The following CCDC178 variants were observed in gnomAD, a reference collection of about 807,000 sequenced individuals.
CCDC178 encodes the protein coiled-coil domain-containing protein 178.
A neutral mutation model predicts 117.4 loss-of-function variants in CCDC178; 126 were observed. The ratio of observed to expected loss-of-function variants is 1.07; its 90% CI spans 0.93 to 1.24. The LOEUF (loss-of-function observed/expected upper bound fraction) is 1.24, where lower values mean the gene tolerates loss of function less well. Ranked by LOEUF, CCDC178 falls within the 50% of genes most tolerant of loss-of-function variation. CCDC178 has a pLI of 0.00. For missense variants in CCDC178, 1,030 were observed against 986.9 expected (o/e 1.04, Z -0.59); for synonymous variants, 283 against 313.4 (o/e 0.90, Z 1.02).
intron 21 of CCDC178, among the ~76,000 whole-genome samples, chr18:32,990,079 G>A (rs1568202313): frequency 6.6e-6 from 1 of 152,152 alleles, no homozygotes; most frequent in East Asian, 1.9e-4. Context: ...GAGTTGAGTA[G>A]GATATATACA....
chr18:33,187,086 GGAGAGAGAGAGAGAGAGA>G (rs58400297), intron 20 of CCDC178, among the ~76,000 whole-genome samples: 1 of 140,042 alleles, frequency 7.1e-6, no homozygotes, highest in Non-Finnish European at 1.5e-5. Context: ...CATGGCGGCA[GGAGAGAGAGAGAGAGAGA>G]GAGAGAGAGA....
At chr18:33,106,065 C>T (rs1598888571) in intron 20 of CCDC178, among the ~76,000 whole-genome samples, 1 of 151,784 alleles carries the variant, frequency 6.6e-6, no homozygotes, top group East Asian at 1.9e-4. Flanking sequence ...AAATTTCTTA[C>T]ATATTTCAAT....
intron 21 of CCDC178, among the ~76,000 whole-genome samples, chr18:33,015,583 A>AACAAAC (rs1555627859): frequency 6.6e-6 from 1 of 151,618 alleles, no homozygotes; most frequent in Non-Finnish European, 1.5e-5. Context: ...CAACAACAAC[A>AACAAAC]AACAACAACA....
chr18:33,209,078 A>G lies in CCDC178; in HGVS notation c.2238+2818T>C, dbSNP rs577954790. Among the ~76,000 whole-genome samples, 12 of 152,178 alleles carry G rather than the reference A, an allele frequency of 7.9e-5. No individual in the cohort carries two copies. The East Asian group carries it at 2.3e-3, about 29-fold the overall frequency. On this transcript the variant is annotated intron_variant, in intron 20 of 22. Transcript: ENST00000383096. ...ATATATAACCTACAATTTTGTATAG[A>G]TCTTTCCAAAAGCAAGGACAAACAT...
chr18:32,984,819 CAT>C (rs2055228892), intron 21 of CCDC178, among the ~76,000 whole-genome samples: 1 of 151,904 alleles, frequency 6.6e-6, no homozygotes, highest in Admixed American at 6.6e-5. Flanking sequence ...CACTGTCAAA[CAT>C]AGAGATGAAC....
At chr18:33,362,177 A>C (rs983480715) in intron 6 of CCDC178, among the ~76,000 whole-genome samples, 2 of 38,740 alleles carry the variant, frequency 5.2e-5, no homozygotes, top group African/African-American at 2.2e-4. Context: ...GTATGTCTGT[A>C]TGTATATATA....
chr18:33,331,311 C>A (rs1183424127), intron 10 of CCDC178, among the ~76,000 whole-genome samples: 1 of 151,918 alleles, frequency 6.6e-6, no homozygotes, highest in Non-Finnish European at 1.5e-5. Context: ...GTTGCTTAAA[C>A]AAGGTTGCAG....
At chr18:33,026,974 A>G (rs1392250221) in intron 21 of CCDC178, among the ~76,000 whole-genome samples, 2 of 151,964 alleles carry the variant, frequency 1.3e-5, no homozygotes, top group African/African-American at 4.8e-5. Context: ...AGCTCAAAAG[A>G]AATGGCAAAC....
At chr18:33,200,904 A>G (rs941754084) in intron 20 of CCDC178, among the ~76,000 whole-genome samples, 2 of 152,224 alleles carry the variant, frequency 1.3e-5, no homozygotes, top group Non-Finnish European at 2.9e-5. Context: ...CTGACAACAC[A>G]TGACTTCAAA....
At chr18:33,027,657 T>A (rs976178976) in intron 21 of CCDC178, among the ~76,000 whole-genome samples, 1 of 151,724 alleles carries the variant, frequency 6.6e-6, no homozygotes, top group Non-Finnish European at 1.5e-5. Flanking sequence ...AAAGTACACC[T>A]GGAAGATATA....
Position 33,371,257 on chromosome 18 carries a change from C to T in CCDC178, c.209-1068G>A, listed in dbSNP as rs148783354. ...AGTGTTCAGTCTATTCTACAATGTT[C>T]GACTCTCTCTCATATATGTGTGTGT... is the stretch of plus-strand genomic sequence containing the variant. On this transcript the variant is annotated intron_variant, in intron 5 of 22. Coordinates refer to ENST00000383096, the MANE Select transcript of CCDC178 (RefSeq NM_001105528.4). Among the ~76,000 whole-genome samples the T allele has an allele frequency of 3.1e-3, 467 of 150,262 alleles. 1 individual carries two copies. Among genetic ancestry groups the T allele is most frequent in the South Asian group, 0.014 (68 of 4,752 alleles).
At chr18:33,293,943 A>G (rs2062071236) in intron 11 of CCDC178, among the ~76,000 whole-genome samples, 1 of 152,132 alleles carries the variant, frequency 6.6e-6, no homozygotes, top group South Asian at 2.1e-4. Flanking sequence ...AAGCTGGGTA[A>G]TACAGGGATG....
intron 2 of CCDC178, among the ~76,000 whole-genome samples, chr18:33,430,469 T>C (rs977074524): frequency 2.6e-5 from 4 of 152,200 alleles, no homozygotes; most frequent in African/African-American, 9.7e-5. Flanking sequence ...GACCATGTAA[T>C]TGGAATTCTG....
At chr18:33,102,424 TAA>T (rs36099291) in intron 20 of CCDC178, among the ~76,000 whole-genome samples, 96 of 118,230 alleles carry the variant, frequency 8.1e-4, no homozygotes, top group Middle Eastern at 4.5e-3. Context: ...TGCTTTGAAG[TAA>T]AAAAAAAAAA....
At position 33,407,096 on chromosome 18, in the gene CCDC178, A is replaced by G. The variant is rs1344123406; in HGVS notation, c.58+4935T>C. On this transcript the variant is annotated intron_variant, in intron 3 of 22. Coordinates refer to ENST00000383096, the MANE Select transcript of CCDC178 (RefSeq NM_001105528.4). ...CTGCACATACATGCTTAAACACATAATTCTTTAATCTGGAGCAGAGTACAT... is the reference window on the plus strand; with the variant it reads ...CTGCACATACATGCTTAAACACATAGTTCTTTAATCTGGAGCAGAGTACAT... 3.9e-5 allele frequency among the ~76,000 whole-genome samples: 6 copies of G among 152,134 alleles called. No individual in the cohort carries two copies. In the East Asian group the frequency reaches 1.2e-3, roughly 29 times the overall value.
Position 33,360,381 on chromosome 18 carries a change from C to T in CCDC178, c.349-4035G>A, listed in dbSNP as rs541502289. ...TATCAACAGATGGACAGATACCAAT[C>T]GTTGTATATATACACAATAGATTAT... On this transcript the variant is annotated intron_variant, in intron 6 of 22. Transcript: ENST00000383096. Among the ~76,000 whole-genome samples, 4 of 151,144 alleles carry T rather than the reference C, an allele frequency of 2.6e-5. No homozygotes were observed. In the East Asian group the frequency reaches 5.8e-4, roughly 22 times the overall value.
chr18:32,956,238 T>C (rs1049694085), intron 22 of CCDC178, among the ~76,000 whole-genome samples: 1 of 152,230 alleles, frequency 6.6e-6, no homozygotes, highest in Non-Finnish European at 1.5e-5. Flanking sequence ...CTTGTATTTC[T>C]ACATGTGTAT....
At chr18:32,969,558 T>C (rs150252127) in intron 22 of CCDC178, among the ~76,000 whole-genome samples, 69 of 152,188 alleles carry the variant, frequency 4.5e-4, no homozygotes, top group Middle Eastern at 3.4e-3. Context: ...GTCCTTCAGA[T>C]ATTTGTCCTT....
chr18:33,287,343 A>G (rs2144851676), intron 12 of CCDC178, among the ~76,000 whole-genome samples: 1 of 152,352 alleles, frequency 6.6e-6, no homozygotes, highest in South Asian at 2.1e-4. Context: ...AAGGTTTTAT[A>G]ATGAGCAAAA....
Sources: gnomAD v4.1 joint callset for allele counts (sites outside exome capture counted in the v4.1 genomes callset) on GRCh38, gnomAD v4.1.1 for gene constraint, MANE v1.5 for transcripts, NCBI Gene and HGNC (gene_info 2026-07-23, HGNC 2026-07-21) for gene names.